Variants in DST observed in about 807,000 individuals in gnomAD.
The protein encoded by DST is bullous pemphigoid antigen.
A neutral mutation model predicts 875.2 loss-of-function variants in DST; 253 were observed. The ratio of observed to expected loss-of-function variants is 0.29; its 90% CI spans 0.26 to 0.32. The LOEUF is 0.32. Ranked by LOEUF, DST falls within the 10% of genes least tolerant of loss-of-function variation. The pLI is 1.00. For missense variants in DST, 8,287 were observed against 9,111.6 expected (o/e 0.91, Z 3.68); for synonymous variants, 3,124 against 3,197.1 (o/e 0.98, Z 0.77).
chr6:56,511,525 T>C, intron 72 of DST, 125 bp from the exon 73 acceptor site: 1 of 710,902 alleles, frequency 1.4e-6, no homozygotes, highest in Non-Finnish European at 2.4e-6. Context: ...ACAAGGCATT[T>C]AACACATGAT....
intron 4 of DST, among the ~76,000 whole-genome samples, chr6:56,824,030 C>G (rs541364681): frequency 6.6e-6 from 1 of 151,742 alleles, no homozygotes; most frequent in Non-Finnish European, 1.5e-5. Flanking sequence ...CCCTCTCCCT[C>G]TCTTTCCACG....
At chr6:56,834,609 G>A (rs2099791301) in intron 4 of DST, among the ~76,000 whole-genome samples, 2 of 147,804 alleles carry the variant, frequency 1.4e-5, no homozygotes, top group African/African-American at 2.5e-5. Flanking sequence ...AAAAAAAAAA[G>A]ATATTTACAT....
chr6:56,648,999 A>G (rs2098959814), intron 12 of DST, among the ~76,000 whole-genome samples: 1 of 152,210 alleles, frequency 6.6e-6, no homozygotes, highest in Admixed American at 6.5e-5. Flanking sequence ...AAAAAAATCC[A>G]AAGTCAATTT....
At chr6:56,601,704 G>A (rs1330416280) in intron 43 of DST, 28 bp from the exon 44 acceptor site, 12 of 1,340,302 alleles carry the variant, frequency 9.0e-6, no homozygotes, top group Non-Finnish European at 1.2e-5. Flanking sequence ...CAAGCTATCA[G>A]TAGAAAGTTA....
chr6:56,903,446 C>T (rs1213370312), intron 2 of DST, among the ~76,000 whole-genome samples: 1 of 152,162 alleles, frequency 6.6e-6, no homozygotes, highest in African/African-American at 2.4e-5. Context: ...ATATTCAATG[C>T]AGAATTATTT....
chr6:56,701,274 C>T (rs1031902849), intron 8 of DST, among the ~76,000 whole-genome samples: 20 of 151,952 alleles, frequency 1.3e-4, no homozygotes, highest in East Asian at 1.9e-4. Flanking sequence ...TGGCCTATGA[C>T]GTAATGCCAC....
chr6:56,867,952 T>C (rs1440373490), intron 3 of DST, among the ~76,000 whole-genome samples: 4 of 152,224 alleles, frequency 2.6e-5, no homozygotes, highest in Admixed American at 2.6e-4. Context: ...CAGACGGGTG[T>C]GCCTGGAGTC....
At chr6:56,560,466 G>C (rs1390016592) in intron 57 of DST, 43 bp from the exon 58 acceptor site, 2 of 1,534,696 alleles carry the variant, frequency 1.3e-6, no homozygotes, top group Admixed American at 2.0e-5. Flanking sequence ...TACAGCAAAA[G>C]ACAAAAATAC....
chr6:56,506,458 G>A lies in DST; in HGVS notation c.19449C>T (p.Tyr6483=). 1 of 1,612,480 alleles carries A rather than the reference G, an allele frequency of 6.2e-7. No homozygotes were observed. The highest frequency in any genetic ancestry group is 8.5e-7 in the Non-Finnish European group (1 of 1,179,164). The change falls in exon 77 of 104, where the codon TAC becomes TAT. Residue 6483 remains tyrosine (Y), a synonymous_variant. Coordinates refer to ENST00000680361, the MANE Select transcript of DST (RefSeq NM_001374736.1). ...ATCCCCTTACCTGCAGTCCATCCTGGTACTGAACGGCAGCCTGCATTGCCT... is the reference window on the plus strand; with the variant it reads ...ATCCCCTTACCTGCAGTCCATCCTGATACTGAACGGCAGCCTGCATTGCCT... ...LEEAMQAAVQ[Y]QDGLQAVFDW... is the part of the protein sequence containing the mutation.
intron 3 of DST, among the ~76,000 whole-genome samples, chr6:56,896,941 T>C (rs766126082): frequency 6.6e-6 from 1 of 152,264 alleles, no homozygotes; most frequent in Non-Finnish European, 1.5e-5. Flanking sequence ...GACTGTTCCT[T>C]TTGTCATGCA....
At chr6:56,543,399 A>C (rs2097172485) in intron 61 of DST, among the ~76,000 whole-genome samples, 1 of 152,216 alleles carries the variant, frequency 6.6e-6, no homozygotes, top group South Asian at 2.1e-4. Flanking sequence ...TGACATGAAT[A>C]TTAGTAGTTA....
intron 8 of DST, among the ~76,000 whole-genome samples, chr6:56,700,103 T>G (rs991715448): frequency 6.6e-6 from 1 of 152,196 alleles, no homozygotes; most frequent in Non-Finnish European, 1.5e-5. Flanking sequence ...CTGCATTAGA[T>G]TCCTATAGGG....
At chr6:56,899,386 CT>C (rs1364586852) in intron 3 of DST, among the ~76,000 whole-genome samples, 1 of 151,928 alleles carries the variant, frequency 6.6e-6, no homozygotes, top group Non-Finnish European at 1.5e-5. Context: ...TAAACAGATC[CT>C]TTTCTGTAAA....
chr6:56,763,682 T>TACACACAC (rs1257855378), intron 4 of DST, among the ~76,000 whole-genome samples: 9 of 42,748 alleles, frequency 2.1e-4, no homozygotes, highest in South Asian at 2.8e-3. Flanking sequence ...AAAAAATACC[T>TACACACAC]ATACACACAC....
At chr6:56,642,360 G>T in intron 16 of DST, 50 bp downstream of exon 16, 2 of 1,297,244 alleles carry the variant, frequency 1.5e-6, no homozygotes, top group Non-Finnish European at 2.2e-6. Context: ...TCATCCAAAC[G>T]CACAGTGACT....
chr6:56,847,465 A>G (rs1052134151), intron 4 of DST, among the ~76,000 whole-genome samples: 3 of 152,238 alleles, frequency 2.0e-5, no homozygotes, highest in Admixed American at 2.0e-4. Flanking sequence ...CACTTACAAC[A>G]TAAATAGTCC....
intron 10 of DST, 91 bp downstream of exon 10, chr6:56,670,550 C>A (rs1362201785): frequency 2.0e-6 from 2 of 1,015,390 alleles, no homozygotes; most frequent in African/African-American, 1.7e-5. Flanking sequence ...CATGCTTTTG[C>A]TTCTATAATA....
rs4283892 is a variant in DST at position 56,501,016 on chromosome 6, A to G, written c.19896+64T>C. ...ACACGCATAAAGAAGAAATATATCC[A>G]AGAAATCTGATGACACTAGAAATGG... On this transcript the variant is annotated intron_variant, in intron 80 of 103. Transcript: ENST00000680361. The G allele has an allele frequency of 0.74, 1,100,544 of 1,495,330 alleles. 406,943 individuals are homozygous for G. The highest frequency in any genetic ancestry group is 0.82 in the African/African-American group (58,209 of 70,600). The allele number at this position is 1,495,330 out of a possible 1,614,324, so 92.6% of individuals were successfully genotyped here. A position where few individuals can be genotyped will look rare whatever the true frequency, so the allele number is the denominator to read the frequency against.
intron 1 of DST, 60 bp downstream of exon 1, chr6:56,954,345 ACT>A: frequency 8.1e-7 from 1 of 1,241,950 alleles, no homozygotes; most frequent in Non-Finnish European, 1.1e-6. Flanking sequence ...GCCGCGCTTC[ACT>A]CTCCAAATCG....
Sources: allele counts gnomAD v4.1 joint callset (sites outside exome capture counted in the v4.1 genomes callset), GRCh38; gene constraint gnomAD v4.1.1; transcripts MANE v1.5; gene names NCBI Gene and HGNC (gene_info 2026-07-23, HGNC 2026-07-21).